KCNT2: variants seen among roughly 807,000 people sequenced by gnomAD.
The protein encoded by KCNT2 is potassium sodium-activated channel subfamily T member 2.
KCNT2 carries 67 observed loss-of-function variants against 153.8 expected under a neutral mutation model. That is an observed-to-expected ratio of 0.44 (90% CI 0.36 to 0.53). KCNT2 has a LOEUF of 0.53. KCNT2 is among the 20% of genes least tolerant of loss of function. KCNT2 has a pLI of 0.00. For missense variants in KCNT2, 975 were observed against 1,354.8 expected (o/e 0.72, Z 4.40); for synonymous variants, 500 against 458.8 (o/e 1.09, Z -1.15).
intron 5 of KCNT2, among the ~76,000 whole-genome samples, chr1:196,475,588 A>C (rs1386272204): frequency 1.3e-5 from 2 of 152,092 alleles, no homozygotes; most frequent in Non-Finnish European, 2.9e-5. Context: ...AGCCTGAGCA[A>C]CAGAGTGAGA....
chr1:196,496,827 C>T (rs1680297799), intron 1 of KCNT2, among the ~76,000 whole-genome samples: 1 of 152,158 alleles, frequency 6.6e-6, no homozygotes, highest in East Asian at 1.9e-4. Flanking sequence ...CACACGAATT[C>T]ACCTAACTTG....
At chr1:196,537,569 G>C (rs577699720) in intron 1 of KCNT2, among the ~76,000 whole-genome samples, 1 of 152,204 alleles carries the variant, frequency 6.6e-6, no homozygotes, top group South Asian at 2.1e-4. Flanking sequence ...CCCACGCCAG[G>C]AACCTTGGCC....
At position 196,227,602 on chromosome 1, in the gene KCNT2, G is replaced by T. The variant is rs551486403; in HGVS notation, c.*622C>A. ...TCATTTATGTTTTAGTTTCTTCAAT[G>T]TAATAAAACATGCTATGAACATCTC... is the stretch of plus-strand genomic sequence containing the variant. On this transcript the variant is annotated 3_prime_UTR_variant, in exon 28 of 28. Coordinates refer to ENST00000294725, the MANE Select transcript of KCNT2 (RefSeq NM_198503.5). The T allele has an allele frequency of 6.6e-6, 1 of 152,430 alleles. No homozygotes were observed. Among genetic ancestry groups the T allele is most frequent in the Admixed American group, 6.6e-5 (1 of 15,262 alleles). The allele number at this position is 152,430 out of a possible 1,614,324, so 9.4% of individuals were successfully genotyped here. A position where few individuals can be genotyped will look rare whatever the true frequency, so the allele number is the denominator to read the frequency against.
In KCNT2 at chr1:196,371,637, C is replaced by G. The variant is rs1668547128; in HGVS notation, c.1403+1503G>C. Reference sequence around the variant, plus strand: ...CTTAATTATATAACAATGTTTTCAACAACATTGCTTTCTTTTTTAATAAGG... The same window carrying G: ...CTTAATTATATAACAATGTTTTCAAGAACATTGCTTTCTTTTTTAATAAGG... On this transcript the variant is annotated intron_variant, in intron 14 of 27. Transcript: ENST00000294725. Among the ~76,000 whole-genome samples, 3 of 152,142 alleles carry G rather than the reference C, an allele frequency of 2.0e-5. No homozygotes were observed. In the South Asian group the frequency reaches 6.2e-4, roughly 32 times the overall value.
chr1:196,397,874 CAT>C (rs1671080550), intron 13 of KCNT2, among the ~76,000 whole-genome samples: 1 of 151,166 alleles, frequency 6.6e-6, no homozygotes, highest in Admixed American at 6.6e-5. Flanking sequence ...TAATGTAAAA[CAT>C]GGGATATTTG....
chr1:196,452,536 T>C (rs1269506510), intron 8 of KCNT2, among the ~76,000 whole-genome samples: 1 of 152,050 alleles, frequency 6.6e-6, no homozygotes, highest in East Asian at 2.0e-4. Context: ...CAGCTCCATA[T>C]CAGCTTTTTA....
intron 19 of KCNT2, among the ~76,000 whole-genome samples, chr1:196,322,388 T>C (rs1663409287): frequency 6.6e-6 from 1 of 151,582 alleles, no homozygotes; most frequent in South Asian, 2.1e-4. Flanking sequence ...GAAGAATAAA[T>C]ATACATGAAT....
chr1:196,365,674 G>T (rs142096574), intron 14 of KCNT2, among the ~76,000 whole-genome samples: 1 of 152,078 alleles, frequency 6.6e-6, no homozygotes, highest in Non-Finnish European at 1.5e-5. Context: ...TGATGTTTTG[G>T]TATAGGCTTA....
At chr1:196,396,981 A>G (rs983151425) in intron 13 of KCNT2, among the ~76,000 whole-genome samples, 2 of 151,548 alleles carry the variant, frequency 1.3e-5, no homozygotes, top group African/African-American at 2.4e-5. Context: ...TCGAAAATAC[A>G]TATTGTTTTA....
chr1:196,438,332 AG>A (rs1170980627), intron 8 of KCNT2, among the ~76,000 whole-genome samples: 2 of 151,880 alleles, frequency 1.3e-5, no homozygotes, highest in African/African-American at 4.8e-5. Context: ...ATAAGAACAT[AG>A]TGTTTATCCC....
At chr1:196,342,019 T>C (rs1665684243) in intron 15 of KCNT2, 60 bp downstream of exon 15, 1 of 1,534,188 alleles carries the variant, frequency 6.5e-7, no homozygotes, top group Admixed American at 1.9e-5. Context: ...TTGAAAACTA[T>C]TTTCACATGA....
At position 196,492,272 on chromosome 1, in the gene KCNT2, G is replaced by A; in HGVS notation, c.165C>T (p.Asn55=). ...AAATGAATAACTTACTTGATCTCTGGTTTTTTATGAAAAATAATTTTAGTC... is the reference window on the plus strand; with the variant it reads ...AAATGAATAACTTACTTGATCTCTGATTTTTTATGAAAAATAATTTTAGTC... ...KERLKLFFIK[N]QRSSLRIRLF... The change falls in exon 2 of 28, where the codon AAC becomes AAT. Residue 55 remains asparagine (N), a synonymous_variant. Coordinates refer to ENST00000294725, the MANE Select transcript of KCNT2 (RefSeq NM_198503.5). 7.0e-7 allele frequency: 1 copy of A among 1,421,384 alleles called. No homozygotes were observed. Among genetic ancestry groups the A allele is most frequent in the Non-Finnish European group, 9.4e-7 (1 of 1,065,406 alleles). 88.0% of individuals were successfully genotyped at this position (1,421,384 alleles called of 1,614,324 possible).
chr1:196,607,894 T>C (rs1004556641), intron 1 of KCNT2, among the ~76,000 whole-genome samples: 28 of 152,214 alleles, frequency 1.8e-4, no homozygotes, highest in African/African-American at 6.8e-4. Flanking sequence ...GCATACCATT[T>C]GGGTGTATTG....
chr1:196,468,142 G>T (rs1462107909), intron 6 of KCNT2, among the ~76,000 whole-genome samples: 1 of 152,002 alleles, frequency 6.6e-6, no homozygotes, highest in Non-Finnish European at 1.5e-5. Context: ...AAGAGGAAAG[G>T]TACTCTCTTT....
At chr1:196,322,513 T>C (rs978380922) in intron 19 of KCNT2, among the ~76,000 whole-genome samples, 1 of 151,888 alleles carries the variant, frequency 6.6e-6, no homozygotes, top group Non-Finnish European at 1.5e-5. Flanking sequence ...AGCACATTCA[T>C]TAATGAGTCT....
intron 13 of KCNT2, among the ~76,000 whole-genome samples, chr1:196,384,065 G>A (rs559923490): frequency 6.6e-6 from 1 of 152,236 alleles, no homozygotes; most frequent in South Asian, 2.1e-4. Context: ...AACTATGTGA[G>A]GTGATGGATG....
intron 22 of KCNT2, among the ~76,000 whole-genome samples, chr1:196,290,506 A>G (rs1265653199): frequency 6.6e-6 from 1 of 151,256 alleles, no homozygotes; most frequent in Non-Finnish European, 1.5e-5. Flanking sequence ...TATGTGCACA[A>G]CCTTCAAGTA....
At chr1:196,353,138 C>T (rs1384860863) in intron 14 of KCNT2, among the ~76,000 whole-genome samples, 1 of 151,968 alleles carries the variant, frequency 6.6e-6, no homozygotes, top group African/African-American at 2.4e-5. Context: ...TACTCCCTTA[C>T]TTGTCATCTC....
chr1:196,540,807 C>T (rs1656252998), intron 1 of KCNT2, among the ~76,000 whole-genome samples: 1 of 152,140 alleles, frequency 6.6e-6, no homozygotes, highest in African/African-American at 2.4e-5. Context: ...TGGCTCACGC[C>T]TGTAATCCCA....
Sources: gnomAD v4.1 joint callset for allele counts (sites outside exome capture counted in the v4.1 genomes callset) on GRCh38, gnomAD v4.1.1 for gene constraint, MANE v1.5 for transcripts, NCBI Gene and HGNC (gene_info 2026-07-23, HGNC 2026-07-21) for gene names.